SCP2: variants seen among roughly 807,000 people sequenced by gnomAD.
SCP2 encodes SCP-2/3-oxoacyl-CoA thiolase.
A neutral mutation model predicts 71.4 loss-of-function variants in SCP2; 48 were observed. That is an observed-to-expected ratio of 0.67 (90% CI 0.53 to 0.86). SCP2 has a LOEUF of 0.86. Ranked by LOEUF, SCP2 falls within the 40% of genes least tolerant of loss-of-function variation. The pLI, the probability that SCP2 is intolerant of heterozygous loss-of-function variation, is 0.00. For synonymous variants in SCP2, 220 were observed against 218.1 expected, an observed-to-expected ratio of 1.01 and a Z score of -0.08; for missense variants, 560 against 655.6, an observed-to-expected ratio of 0.85 and a Z score of 1.59.
At chr1:53,049,102 A>T (rs1664032961) in intron 15 of SCP2, 1 of 152,224 alleles carries the variant, frequency 6.6e-6, no homozygotes, top group Admixed American at 6.5e-5. Context: ...ATTGGCACTG[A>T]CATTTCCACT....
In SCP2 at chr1:52,957,900, C is replaced by A. The variant is rs369284365; in HGVS notation, c.396+3096C>A. Among the ~76,000 whole-genome samples, 3 of 151,196 alleles carry A rather than the reference C, an allele frequency of 2.0e-5. No individual in the cohort carries two copies. In the South Asian group the frequency reaches 6.3e-4, roughly 32 times the overall value. ...CTGCACCATTTGTTGAAAAGATTAT[C>A]TTTTTTCCATTATATTGCCTTTGCT... is the stretch of plus-strand genomic sequence containing the variant. On this transcript the variant is annotated intron_variant, in intron 5 of 15. Transcript: ENST00000371514.
At chr1:53,024,219 C>G (rs1477621333) in intron 12 of SCP2, among the ~76,000 whole-genome samples, 1 of 152,196 alleles carries the variant, frequency 6.6e-6, no homozygotes, top group African/African-American at 2.4e-5. Flanking sequence ...TATGATTCCA[C>G]TTAGAATCAT....
At position 53,039,200 on chromosome 1, in the gene SCP2, C is replaced by T. The variant is rs115439873; in HGVS notation, c.1468+154C>T. ...CCAGGGAACAGGAACAGGTCAAAGC[C>T]ACCTCCTCCCAAGGATTTGGAGGCT... On this transcript the variant is annotated intron_variant, in intron 14 of 15. Coordinates refer to ENST00000371514, the MANE Select transcript of SCP2 (RefSeq NM_002979.5). Among the ~76,000 whole-genome samples the T allele has an allele frequency of 0.018, 2,771 of 152,274 alleles. 84 individuals are homozygous for T. Among genetic ancestry groups the T allele is most frequent in the African/African-American group, 0.063 (2,609 of 41,526 alleles).
chr1:52,943,011 T>G (rs748288633), intron 2 of SCP2, among the ~76,000 whole-genome samples: 25 of 152,044 alleles, frequency 1.6e-4, no homozygotes, highest in Non-Finnish European at 3.2e-4. Flanking sequence ...CTAACGGGCT[T>G]CTTTTTATCC....
chr1:53,027,123 T>G (rs1312323860), intron 12 of SCP2, among the ~76,000 whole-genome samples: 4 of 152,030 alleles, frequency 2.6e-5, no homozygotes, highest in Admixed American at 1.3e-4. Flanking sequence ...CTTATTTATT[T>G]AGAAATGGTC....
At chr1:53,014,861 A>G (rs781196271) in intron 11 of SCP2, 29 bp from the exon 12 acceptor site, 3 of 1,611,346 alleles carry the variant, frequency 1.9e-6, no homozygotes, top group Non-Finnish European at 2.5e-6. Flanking sequence ...TGGTGGAAGC[A>G]GCTCAGTGCT....
At chr1:53,035,980 A>G (rs1303237322) in intron 13 of SCP2, among the ~76,000 whole-genome samples, 1 of 146,572 alleles carries the variant, frequency 6.8e-6, no homozygotes, top group Non-Finnish European at 1.5e-5. Context: ...AGATCAGGCC[A>G]CTGCACTCCA....
At chr1:52,976,602 ATAT>A (rs1657992144) in intron 7 of SCP2, 78 bp from the exon 8 acceptor site, 1 of 789,922 alleles carries the variant, frequency 1.3e-6, no homozygotes, top group Non-Finnish European at 2.3e-6. Context: ...TAATATTTAC[ATAT>A]TATTCTGTTT....
chr1:52,949,360 C>T (rs1655090451), intron 3 of SCP2, among the ~76,000 whole-genome samples: 1 of 152,144 alleles, frequency 6.6e-6, no homozygotes, highest in South Asian at 2.1e-4. Flanking sequence ...CCTTGGTGGT[C>T]ATGTTACTTG....
chr1:52,969,690 G>T (rs759595860), intron 6 of SCP2, among the ~76,000 whole-genome samples: 6 of 151,494 alleles, frequency 4.0e-5, no homozygotes, highest in Non-Finnish European at 8.8e-5. Flanking sequence ...GCGTGGTCGC[G>T]TGTGCCTGTA....
rs367821914 is a variant in SCP2 at position 53,040,440 on chromosome 1, T to C, written c.1468+1394T>C. On this transcript the variant is annotated intron_variant, in intron 14 of 15. Transcript: ENST00000371514. ...CGGAATTACCTTCTCCCAGATATCC[T>C]TGTGGCCTGTTCCCTCCTTTCCTTT... Among the ~76,000 whole-genome samples, 155 of 152,342 alleles carry C rather than the reference T, an allele frequency of 1.0e-3. 3 individuals are homozygous for C. The South Asian group carries it at 0.031, about 31-fold the overall frequency.
At chr1:52,974,086 A>G (rs973431781) in intron 6 of SCP2, among the ~76,000 whole-genome samples, 1 of 152,194 alleles carries the variant, frequency 6.6e-6, no homozygotes, top group Admixed American at 6.5e-5. Context: ...TGCCATTAAT[A>G]TAACATTATC....
At chr1:52,952,350 A>T (rs1557554727) in intron 4 of SCP2, among the ~76,000 whole-genome samples, 1 of 152,170 alleles carries the variant, frequency 6.6e-6, no homozygotes, top group Non-Finnish European at 1.5e-5. Context: ...GATATATCAC[A>T]TTAAAAAAAT....
chr1:52,978,391 A>G, intron 9 of SCP2, 24 bp downstream of exon 9: 1 of 1,584,606 alleles, frequency 6.3e-7, no homozygotes, highest in Non-Finnish European at 8.7e-7. Context: ...TCTATTTGTT[A>G]TTTTTATTTT....
chr1:52,950,651 A>G (rs1314556450), intron 3 of SCP2, 104 bp from the exon 4 acceptor site: 29 of 877,150 alleles, frequency 3.3e-5, no homozygotes, highest in Non-Finnish European at 5.5e-5. Flanking sequence ...TGCACATGTT[A>G]TATGCTAGGC....
chr1:52,976,867 G>A (rs1557578828), intron 8 of SCP2, 98 bp downstream of exon 8: 6 of 736,648 alleles, frequency 8.1e-6, no homozygotes, highest in East Asian at 2.6e-5. Flanking sequence ...TCTGGGCGGA[G>A]CTTTCACAGA....
intron 2 of SCP2, among the ~76,000 whole-genome samples, chr1:52,942,969 T>C (rs1654406421): frequency 6.6e-6 from 1 of 152,108 alleles, no homozygotes; most frequent in Non-Finnish European, 1.5e-5. Flanking sequence ...CCCAGAGTGC[T>C]GGGATTACAG....
chr1:52,994,794 G>A, intron 11 of SCP2: 1 of 551,900 alleles, frequency 1.8e-6, no homozygotes, highest in Non-Finnish European at 3.4e-6. Flanking sequence ...GCTGGGATGT[G>A]ATCAGTGATG....
intron 1 of SCP2, among the ~76,000 whole-genome samples, chr1:52,941,526 G>A (rs1380099668): frequency 6.6e-6 from 1 of 151,912 alleles, no homozygotes; most frequent in Non-Finnish European, 1.5e-5. Context: ...CACAAGGTCA[G>A]GAGTTTGAGA....
Sources: gnomAD v4.1 joint callset for allele counts (sites outside exome capture counted in the v4.1 genomes callset) on GRCh38, gnomAD v4.1.1 for gene constraint, MANE v1.5 for transcripts, NCBI Gene and HGNC (gene_info 2026-07-23, HGNC 2026-07-21) for gene names.